Variants in RAD54L2 observed in about 807,000 individuals in gnomAD.
RAD54L2 encodes RAD54 like 2, also known as helicase ARIP4.
RAD54L2 carries 27 observed loss-of-function variants against 138.4 expected under a neutral mutation model. That is an observed-to-expected ratio of 0.20 (90% confidence interval 0.14 to 0.27). The LOEUF (loss-of-function observed/expected upper bound fraction) is 0.27, where lower values mean the gene tolerates loss of function less well. RAD54L2 is among the 10% of genes least tolerant of loss of function. RAD54L2 has a pLI of 1.00. For missense variants in RAD54L2, 1,396 were observed against 1,890.2 expected, an observed-to-expected ratio of 0.74 and a Z score of 4.85; for synonymous variants, 644 against 723.2, an observed-to-expected ratio of 0.89 and a Z score of 1.76.
chr3:51,552,514 G>A (rs1007075503), intron 2 of RAD54L2, among the ~76,000 whole-genome samples: 2 of 150,356 alleles, frequency 1.3e-5, no homozygotes, highest in East Asian at 1.9e-4. Flanking sequence ...CACCTGCCTC[G>A]GCTTCCCAAA....
At chr3:51,597,969 A>T (rs1247292988) in intron 3 of RAD54L2, among the ~76,000 whole-genome samples, 2 of 151,356 alleles carry the variant, frequency 1.3e-5, no homozygotes, top group African/African-American at 4.8e-5. Flanking sequence ...AAAAAAAAAA[A>T]GAATGAATAT....
At chr3:51,628,930 G>A (rs1454398747) in intron 4 of RAD54L2, among the ~76,000 whole-genome samples, 1 of 151,776 alleles carries the variant, frequency 6.6e-6, no homozygotes, top group Non-Finnish European at 1.5e-5. Flanking sequence ...TAGCCAGACT[G>A]GTCTCGAACT....
chr3:51,559,834 G>A (rs1376470004), intron 2 of RAD54L2, among the ~76,000 whole-genome samples: 3 of 152,190 alleles, frequency 2.0e-5, no homozygotes, highest in African/African-American at 7.2e-5. Flanking sequence ...GAGAGCCAAC[G>A]TACTGATAAG....
intron 2 of RAD54L2, among the ~76,000 whole-genome samples, chr3:51,542,558 G>T (rs1219950360): frequency 3.3e-5 from 5 of 151,552 alleles, no homozygotes; most frequent in African/African-American, 1.2e-4. Flanking sequence ...CCATTCTCCC[G>T]CCTCAGCCTC....
At chr3:51,622,904 A>G (rs562766839) in intron 3 of RAD54L2, among the ~76,000 whole-genome samples, 6 of 152,296 alleles carry the variant, frequency 3.9e-5, no homozygotes, top group African/African-American at 1.4e-4. Flanking sequence ...CCATTCTGTT[A>G]TTTCAAACCC....
chr3:51,632,309 G>A (rs958661898), intron 7 of RAD54L2, among the ~76,000 whole-genome samples: 13 of 151,928 alleles, frequency 8.6e-5, no homozygotes, highest in African/African-American at 2.4e-5. Flanking sequence ...TGTTGTTGTT[G>A]TTGAGACGAA....
At chr3:51,629,574 C>T (rs1700785718) in intron 5 of RAD54L2, 101 bp downstream of exon 5, 1 of 1,431,880 alleles carries the variant, frequency 7.0e-7, no homozygotes, top group Non-Finnish European at 9.4e-7. Context: ...ACTGTGGCCT[C>T]TCGGCTGGGC....
At chr3:51,639,334 G>C in intron 12 of RAD54L2, 85 bp from the exon 13 acceptor site, 1 of 1,489,208 alleles carries the variant, frequency 6.7e-7, no homozygotes, top group East Asian at 2.3e-5. Flanking sequence ...GTGTGTGTTT[G>C]AGCAAGTATG....
At position 51,553,540 on chromosome 3, in the gene RAD54L2, G is replaced by A. The variant is rs151224390; in HGVS notation, c.-55+11890G>A. 6.1e-3 allele frequency among the ~76,000 whole-genome samples: 925 copies of A among 152,290 alleles called. 17 individuals carry two copies. The highest frequency in any genetic ancestry group is 0.021 in the African/African-American group (862 of 41,576). On this transcript the variant is annotated intron_variant, in intron 2 of 22. Coordinates refer to ENST00000684192, the MANE Select transcript of RAD54L2 (RefSeq NM_015106.4). ...TTCCCAGTACATATAAAAGTTATGT[G>A]TACAGGCTTGGCATAGTTGCTTATG...
intron 3 of RAD54L2, among the ~76,000 whole-genome samples, chr3:51,626,436 CTTTTTTTTTTTTT>C (rs768354274): frequency 8.9e-4 from 35 of 39,392 alleles, no homozygotes; most frequent in African/African-American, 3.9e-3. Flanking sequence ...CCCCAACGAT[CTTTTTTTTTTTTT>C]TTTTTTTTTT....
In RAD54L2 at chr3:51,639,519, G is replaced by A. The variant is rs774464525; in HGVS notation, c.1961G>A (p.Ser654Asn). ...GAAGAACTTGGCTCTGCAGGGACCAGTGCCCGCTGTCCACCACAGGGAACA... is the reference window on the plus strand; with the variant it reads ...GAAGAACTTGGCTCTGCAGGGACCAATGCCCGCTGTCCACCACAGGGAACA... Reference protein sequence around the residue: ...DVEELGSAGTSARCPPQGTKG... With the variant: ...DVEELGSAGTNARCPPQGTKG... Residue 654 changes from serine to asparagine, a missense_variant, in exon 13 of 23, where the codon AGT (serine) becomes AAT (asparagine). Physicochemically the swap from Ser to Asn is conservative, Grantham distance 46. Around this residue, in one of 7 missense-constraint regions of RAD54L2, gnomAD observed 211 missense variants for 273.8 expected, o/e 0.77. Coordinates refer to ENST00000684192, the MANE Select transcript of RAD54L2 (RefSeq NM_015106.4). The A allele has an allele frequency of 5.0e-6, 8 of 1,614,028 alleles. No homozygotes were observed. In the South Asian group the frequency reaches 7.7e-5, roughly 16 times the overall value.
rs1334654662 is a variant in RAD54L2 at position 51,594,070 on chromosome 3, T to TC, written c.139+3511_139+3512insC. Among the ~76,000 whole-genome samples the TC allele has an allele frequency of 9.2e-5, 13 of 140,980 alleles. No homozygotes were observed. The South Asian group carries it at 2.5e-3, about 27-fold the overall frequency. 92.5% of individuals were successfully genotyped at this position (140,980 alleles called of 152,430 possible). A position where few individuals can be genotyped will look rare whatever the true frequency, so the allele number is the denominator to read the frequency against. ...TTGTCTTTCTTTTTTCTTTTTCTTT[T>TC]TTTTTTTTTTTTTTTTTTGAGATGG... is the stretch of plus-strand genomic sequence containing the variant. On this transcript the variant is annotated intron_variant, in intron 3 of 22. Coordinates refer to ENST00000684192, the MANE Select transcript of RAD54L2 (RefSeq NM_015106.4).
At chr3:51,651,851 G>A (rs1701446986) in intron 19 of RAD54L2, among the ~76,000 whole-genome samples, 1 of 152,174 alleles carries the variant, frequency 6.6e-6, no homozygotes, top group East Asian at 1.9e-4. Flanking sequence ...GCAAACACTG[G>A]AAGCCTTCCC....
chr3:51,570,143 T>C (rs965108176), intron 2 of RAD54L2, among the ~76,000 whole-genome samples: 2 of 144,604 alleles, frequency 1.4e-5, no homozygotes, highest in African/African-American at 5.1e-5. Context: ...TTTTTAATTT[T>C]TTTTTTTTTT....
Position 51,638,341 on chromosome 3 carries a change from A to G in RAD54L2, c.1860+20A>G, listed in dbSNP as rs1383283973. 6.2e-7 allele frequency: 1 copy of G among 1,612,546 alleles called. No homozygotes were observed. The highest frequency in any genetic ancestry group is 8.5e-7 in the Non-Finnish European group (1 of 1,179,334). ...TGCAAGGTGCATTGGGGCCTCAGGG[A>G]AGATTGAGATGGGGACTAAGGATAC... On this transcript the variant is annotated intron_variant, in intron 12 of 22. Coordinates refer to ENST00000684192, the MANE Select transcript of RAD54L2 (RefSeq NM_015106.4). This position sits in a 1 kb window ranked among gnomAD's most constrained non-coding sequence, Gnocchi z 4.3.
At chr3:51,558,817 G>A (rs1300018175) in intron 2 of RAD54L2, among the ~76,000 whole-genome samples, 1 of 152,030 alleles carries the variant, frequency 6.6e-6, no homozygotes, top group Non-Finnish European at 1.5e-5. Context: ...GCCTTGTGAA[G>A]TATATAGTCA....
At chr3:51,550,806 G>A (rs1698815866) in intron 2 of RAD54L2, among the ~76,000 whole-genome samples, 2 of 152,124 alleles carry the variant, frequency 1.3e-5, no homozygotes, top group Admixed American at 6.6e-5. Context: ...TTTTGGTTTG[G>A]GAGGCTGAGG....
At chr3:51,650,026 G>T (rs551000023) in intron 19 of RAD54L2, among the ~76,000 whole-genome samples, 15 of 152,322 alleles carry the variant, frequency 9.8e-5, no homozygotes, top group Middle Eastern at 3.4e-3. Context: ...TCAGTGTGCT[G>T]TATTCAGGAG....
In RAD54L2 at chr3:51,633,078, G is replaced by T. The variant is rs112396726; in HGVS notation, c.826-499G>T. 5.1e-3 allele frequency among the ~76,000 whole-genome samples: 772 copies of T among 152,064 alleles called. 5 individuals are homozygous for T. The highest frequency in any genetic ancestry group is 0.017 in the African/African-American group (719 of 41,456). Reference sequence around the variant, plus strand: ...CCACTGAAAATACAAAAATTAGCTGGGCATGGTGGCGCATGCCTGTAATCC... The same window carrying T: ...CCACTGAAAATACAAAAATTAGCTGTGCATGGTGGCGCATGCCTGTAATCC... On this transcript the variant is annotated intron_variant, in intron 7 of 22. Transcript: ENST00000684192.
Sources: gnomAD v4.1 joint callset for allele counts (sites outside exome capture counted in the v4.1 genomes callset) on GRCh38, gnomAD v4.1.1 for gene constraint, gnomAD v4.1.1 regional missense constraint, Gnocchi (gnomAD v3.1) non-coding constraint, MANE v1.5 for transcripts, NCBI Gene and HGNC (gene_info 2026-07-23, HGNC 2026-07-21) for gene names.